Variants in PHACTR1 observed in about 807,000 individuals in gnomAD.
The protein encoded by PHACTR1 is RPEL repeat containing 1.
A neutral mutation model predicts 69.2 loss-of-function variants in PHACTR1; 16 were observed. The observed-to-expected ratio is 0.23, with a 90% CI of 0.16 to 0.35. The LOEUF is 0.35. Among genes scored for constraint, PHACTR1 ranks in the 10% least tolerant of loss-of-function variants. The probability of loss-of-function intolerance (pLI) is 1.00; values close to 1 mark genes in which losing one functional copy is unlikely to be tolerated. For synonymous variants in PHACTR1, 312 were observed against 284.5 expected (o/e 1.10, Z -0.97); for missense variants, 510 against 734.7 (o/e 0.69, Z 3.54).
chr6:13,032,788 T>C (rs1045627133), intron 4 of PHACTR1, among the ~76,000 whole-genome samples: 1 of 152,262 alleles, frequency 6.6e-6, no homozygotes, highest in Admixed American at 6.5e-5. Context: ...TTTTTATTTT[T>C]TATAGAGACA....
At chr6:12,838,238 G>A (rs1778350378) in intron 4 of PHACTR1, among the ~76,000 whole-genome samples, 2 of 152,202 alleles carry the variant, frequency 1.3e-5, no homozygotes, top group Admixed American at 6.5e-5. Context: ...CAAGAGAAAA[G>A]GGTCACATGA....
At chr6:12,802,077 G>A (rs1050120871) in intron 4 of PHACTR1, among the ~76,000 whole-genome samples, 1 of 133,156 alleles carries the variant, frequency 7.5e-6, no homozygotes, top group Non-Finnish European at 1.7e-5. Context: ...GGAAAATTGA[G>A]CTACATATTA....
intron 8 of PHACTR1, among the ~76,000 whole-genome samples, chr6:13,207,060 C>T (rs565975076): frequency 1.9e-4 from 29 of 151,794 alleles, no homozygotes; most frequent in Non-Finnish European, 1.2e-4. Flanking sequence ...CACACACACA[C>T]ATGCATGCAC....
chr6:13,121,873 G>C (rs951800557), intron 5 of PHACTR1, among the ~76,000 whole-genome samples: 19 of 152,192 alleles, frequency 1.2e-4, no homozygotes, highest in Non-Finnish European at 1.0e-4. Flanking sequence ...TGGGAATCTT[G>C]GGAACAGGGA....
At chr6:13,035,102 C>A (rs1182234246) in intron 4 of PHACTR1, among the ~76,000 whole-genome samples, 3 of 152,070 alleles carry the variant, frequency 2.0e-5, no homozygotes, top group Non-Finnish European at 4.4e-5. Flanking sequence ...ATTTGAGTTA[C>A]TCTTGGCTTT....
At chr6:12,961,618 ATG>A (rs1792742650) in intron 4 of PHACTR1, among the ~76,000 whole-genome samples, 1 of 152,246 alleles carries the variant, frequency 6.6e-6, no homozygotes, top group East Asian at 1.9e-4. Context: ...AAGAAGGAAT[ATG>A]TGTGTTACTG....
chr6:13,137,848 G>A (rs1209854162), intron 5 of PHACTR1, among the ~76,000 whole-genome samples: 1 of 152,230 alleles, frequency 6.6e-6, no homozygotes, highest in African/African-American at 2.4e-5. Context: ...GGGCCTCCTG[G>A]AATAGGAATG....
rs766365300 is a variant in PHACTR1, at chr6:13,283,376, G to C, written c.1510-46G>C. The C allele has an allele frequency of 1.2e-6, 2 of 1,606,264 alleles. No individual in the cohort carries two copies. Among genetic ancestry groups the C allele is most frequent in the Non-Finnish European group, 1.7e-6 (2 of 1,176,680 alleles). On this transcript the variant is annotated intron_variant, in intron 12 of 14. Transcript: ENST00000332995. This position sits in a 1 kb window ranked among gnomAD's most constrained non-coding sequence, Gnocchi z 4.7. ...TTCACAGACAGGACCAAGTGCCATG[G>C]TCAACCCTTCTGGCTGACTGGGTCC...
intron 3 of PHACTR1, among the ~76,000 whole-genome samples, chr6:12,719,625 T>G (rs1051470637): frequency 1.3e-5 from 2 of 152,134 alleles, no homozygotes; most frequent in Admixed American, 1.3e-4. Context: ...AGGAGGACAA[T>G]GTCCCTATTT....
At chr6:12,840,193 A>T (rs1254507422) in intron 4 of PHACTR1, among the ~76,000 whole-genome samples, 1 of 152,162 alleles carries the variant, frequency 6.6e-6, no homozygotes, top group East Asian at 1.9e-4. Context: ...GATCAAGGGG[A>T]TCTGATTACA....
chr6:13,084,590 A>T (rs888555401), intron 5 of PHACTR1, among the ~76,000 whole-genome samples: 1 of 152,144 alleles, frequency 6.6e-6, no homozygotes, highest in Non-Finnish European at 1.5e-5. Flanking sequence ...ACTTGAATGG[A>T]GGAAGCAATA....
chr6:13,177,175 A>T (rs1260825968), intron 6 of PHACTR1, among the ~76,000 whole-genome samples: 32 of 55,360 alleles, frequency 5.8e-4, no homozygotes, highest in African/African-American at 1.2e-3. Flanking sequence ...CCATCTCTAA[A>T]AAAAAAAAAA....
chr6:13,073,255 A>G (rs1561790626), intron 5 of PHACTR1, among the ~76,000 whole-genome samples: 2 of 147,302 alleles, frequency 1.4e-5, no homozygotes, highest in Non-Finnish European at 3.0e-5. Flanking sequence ...TGAGGAAAAT[A>G]GTTGAATGTT....
At chr6:12,858,156 G>A (rs9296493) in intron 4 of PHACTR1, among the ~76,000 whole-genome samples, 2,995 of 152,250 alleles carry the variant, frequency 0.02, 93 homozygotes, top group African/African-American at 0.068. Flanking sequence ...GCAGAAGGCT[G>A]GGAAGGCCTT....
At chr6:13,200,932 A>G (rs901475589) in intron 7 of PHACTR1, among the ~76,000 whole-genome samples, 3 of 151,170 alleles carry the variant, frequency 2.0e-5, no homozygotes, top group African/African-American at 7.3e-5. Context: ...AACAAGAGCG[A>G]AACTCTGTCT....
chr6:13,069,365 T>C (rs1227408249), intron 5 of PHACTR1, among the ~76,000 whole-genome samples: 4 of 152,124 alleles, frequency 2.6e-5, no homozygotes, highest in Non-Finnish European at 5.9e-5. Flanking sequence ...CCTTTAACAC[T>C]TCTTTTTCTC....
At chr6:12,789,704 A>G (rs1771998396) in intron 4 of PHACTR1, among the ~76,000 whole-genome samples, 1 of 150,776 alleles carries the variant, frequency 6.6e-6, no homozygotes, top group Non-Finnish European at 1.5e-5. Context: ...GCGTACTTGG[A>G]CTACAAACTT....
Position 13,272,847 on chromosome 6 carries a change from A to G in PHACTR1, c.1392-13A>G. On this transcript the variant is annotated splice_polypyrimidine_tract_variant and intron_variant, in intron 10 of 14. Coordinates refer to ENST00000332995, the MANE Select transcript of PHACTR1 (RefSeq NM_030948.6). Reference sequence around the variant, plus strand: ...GATATGGTCCAAAAACTTTTCCTGGATTTTTTCCGTAGGCGGCTGAGCCAG... The same window carrying G: ...GATATGGTCCAAAAACTTTTCCTGGGTTTTTTCCGTAGGCGGCTGAGCCAG... 2 of 1,614,028 alleles carry G rather than the reference A, an allele frequency of 1.2e-6. No homozygotes were observed. Among genetic ancestry groups the G allele is most frequent in the Non-Finnish European group, 1.7e-6 (2 of 1,179,900 alleles).
At chr6:13,272,124 G>C (rs563315281) in intron 10 of PHACTR1, 1 of 152,364 alleles carries the variant, frequency 6.6e-6, no homozygotes, top group African/African-American at 2.4e-5. Flanking sequence ...TCATTCCTGG[G>C]ACCTAATGCA....
Sources: gnomAD v4.1 joint callset for allele counts (sites outside exome capture counted in the v4.1 genomes callset) on GRCh38, gnomAD v4.1.1 for gene constraint, Gnocchi (gnomAD v3.1) non-coding constraint, MANE v1.5 for transcripts, NCBI Gene and HGNC (gene_info 2026-07-23, HGNC 2026-07-21) for gene names.